Variants in SNX29 observed in about 807,000 individuals in gnomAD.
The protein encoded by SNX29 is sorting nexin 29.
Under a neutral mutation model 102.1 loss-of-function variants are expected in SNX29, and 78 were observed. That is an observed-to-expected ratio of 0.76 (90% CI 0.64 to 0.92). The LOEUF is 0.92. Ranked by LOEUF, SNX29 falls within the 40% of genes least tolerant of loss-of-function variation. The probability of loss-of-function intolerance (pLI) is 0.00; values close to 1 mark genes in which losing one functional copy is unlikely to be tolerated. For synonymous variants in SNX29, 580 were observed against 414.5 expected (o/e 1.40, Z -4.85); for missense variants, 1,280 against 1,061.7 (o/e 1.21, Z -2.86).
chr16:12,294,246 T>C (rs1221714051), intron 15 of SNX29, among the ~76,000 whole-genome samples: 3 of 152,116 alleles, frequency 2.0e-5, no homozygotes, highest in East Asian at 1.9e-4. Context: ...AGTAGGGAGT[T>C]GTATGCATGG....
chr16:12,043,174 G>T (rs190188372), intron 5 of SNX29, 97 bp downstream of exon 5: 410 of 1,467,496 alleles, frequency 2.8e-4, no homozygotes, highest in Admixed American at 4.9e-4. Flanking sequence ...CTAGTTCCCC[G>T]ATCTGGGGGA....
At chr16:12,091,901 G>A (rs1286522908) in intron 11 of SNX29, among the ~76,000 whole-genome samples, 1 of 152,050 alleles carries the variant, frequency 6.6e-6, no homozygotes. Context: ...CGAATCTGTC[G>A]GTGCCTTGAT....
At chr16:12,308,128 T>G (rs2080400010) in intron 15 of SNX29, among the ~76,000 whole-genome samples, 1 of 152,244 alleles carries the variant, frequency 6.6e-6, no homozygotes, top group South Asian at 2.1e-4. Flanking sequence ...CTGAAGGTGA[T>G]GCATGGTCTC....
intron 11 of SNX29, among the ~76,000 whole-genome samples, chr16:12,110,623 C>T (rs574635858): frequency 2.3e-4 from 35 of 152,176 alleles, no homozygotes; most frequent in Admixed American, 7.9e-4. Flanking sequence ...GTGAGACAAA[C>T]GCCCAGGCTT....
intron 18 of SNX29, among the ~76,000 whole-genome samples, chr16:12,405,172 A>C (rs1232947782): frequency 1.3e-5 from 2 of 152,218 alleles, no homozygotes; most frequent in Non-Finnish European, 2.9e-5. Context: ...AGGATGAAAA[A>C]AGTACAGCAG....
intron 5 of SNX29, among the ~76,000 whole-genome samples, chr16:12,043,855 C>A (rs566191943): frequency 6.6e-6 from 1 of 152,102 alleles, no homozygotes; most frequent in Non-Finnish European, 1.5e-5. Context: ...CTAGTTCGAG[C>A]GATTCTCCTG....
At chr16:12,029,486 A>T in intron 4 of SNX29, 2 of 451,772 alleles carry the variant, frequency 4.4e-6, no homozygotes, top group Non-Finnish European at 8.9e-6. Context: ...GCCAGTACAG[A>T]ATACAGTATG....
At chr16:12,480,854 G>T (rs912728432) in intron 19 of SNX29, among the ~76,000 whole-genome samples, 2 of 152,162 alleles carry the variant, frequency 1.3e-5, no homozygotes, top group African/African-American at 4.8e-5. Flanking sequence ...CTGTGCAGGA[G>T]CTGGGAACTG....
At position 12,565,895 on chromosome 16, in the gene SNX29, T is replaced by C. The variant is rs576211711; in HGVS notation, c.2319-2611T>C. On this transcript the variant is annotated intron_variant, in intron 20 of 20. Transcript: ENST00000566228. Reference sequence around the variant, plus strand: ...TCAGAACAACCTGAGTTCCCTCTCATTGGGGCATCCACCGTGATCCACCAC... The same window carrying C: ...TCAGAACAACCTGAGTTCCCTCTCACTGGGGCATCCACCGTGATCCACCAC... Among the ~76,000 whole-genome samples the C allele has an allele frequency of 1.4e-4, 22 of 151,958 alleles. No homozygotes were observed. In the South Asian group the frequency reaches 4.6e-3, roughly 32 times the overall value.
intron 11 of SNX29, among the ~76,000 whole-genome samples, chr16:12,118,473 C>CTA: frequency 6.6e-6 from 1 of 151,770 alleles, no homozygotes; most frequent in Non-Finnish European, 1.5e-5. Flanking sequence ...GTGCCTGCCA[C>CTA]CATGCCCGGC....
intron 14 of SNX29, among the ~76,000 whole-genome samples, chr16:12,268,436 G>C (rs1007958326): frequency 6.6e-6 from 1 of 152,156 alleles, no homozygotes; most frequent in East Asian, 1.9e-4. Context: ...GCAGAGCTCC[G>C]GGGTCTTGTT....
At chr16:12,105,169 C>A (rs975950512) in intron 11 of SNX29, among the ~76,000 whole-genome samples, 7 of 152,174 alleles carry the variant, frequency 4.6e-5, no homozygotes, top group Admixed American at 1.3e-4. Context: ...CCAGACTGTG[C>A]TGAGAGTCTA....
chr16:12,566,188 TC>T (rs557923292), intron 20 of SNX29, among the ~76,000 whole-genome samples: 38 of 152,286 alleles, frequency 2.5e-4, no homozygotes, highest in Admixed American at 1.1e-3. Context: ...AGCCCTTGAA[TC>T]CTTACCACCA....
intron 20 of SNX29, among the ~76,000 whole-genome samples, chr16:12,558,104 C>A (rs117895473): frequency 2.0e-5 from 3 of 152,186 alleles, no homozygotes; most frequent in Admixed American, 6.5e-5. Context: ...GACGGGGCAA[C>A]TGAGAATTAG....
intron 19 of SNX29, among the ~76,000 whole-genome samples, chr16:12,505,900 GC>G (rs1567632115): frequency 1.3e-5 from 2 of 151,728 alleles, no homozygotes; most frequent in African/African-American, 4.8e-5. Flanking sequence ...TTCTATTTAG[GC>G]CTTCTTTATT....
chr16:12,571,138 C>A lies in SNX29; in HGVS notation c.*2509C>A, dbSNP rs891402906. The A allele has an allele frequency of 4.3e-6, 1 of 232,488 alleles. No individual in the cohort carries two copies. Among genetic ancestry groups the A allele is most frequent in the Non-Finnish European group, 8.5e-6 (1 of 117,640 alleles). 14.4% of individuals were successfully genotyped at this position (232,488 alleles called of 1,614,324 possible). ...TAGAATGTTCTGCAATGATTGGGTC[C>A]ATCTTGCTGCTCAGAAGAATCCCGT... On this transcript the variant is annotated 3_prime_UTR_variant, in exon 21 of 21. Transcript: ENST00000566228.
At chr16:12,541,590 C>T (rs970056902) in intron 20 of SNX29, among the ~76,000 whole-genome samples, 2 of 152,182 alleles carry the variant, frequency 1.3e-5, no homozygotes, top group Non-Finnish European at 2.9e-5. Context: ...CAGACCTCAA[C>T]CCTGAGGTCA....
chr16:12,331,999 G>T (rs569389532), intron 15 of SNX29, among the ~76,000 whole-genome samples: 1 of 152,194 alleles, frequency 6.6e-6, no homozygotes, highest in East Asian at 1.9e-4. Context: ...GGTGGAGCCT[G>T]CAGTGAGCCA....
At chr16:12,550,879 C>G (rs1487980428) in intron 20 of SNX29, among the ~76,000 whole-genome samples, 2 of 152,122 alleles carry the variant, frequency 1.3e-5, no homozygotes, top group Non-Finnish European at 2.9e-5. Context: ...TGGGAGGAAA[C>G]CTGTGACGGG....
Sources: allele counts gnomAD v4.1 joint callset (sites outside exome capture counted in the v4.1 genomes callset), GRCh38; gene constraint gnomAD v4.1.1; transcripts MANE v1.5; gene names NCBI Gene and HGNC (gene_info 2026-07-23, HGNC 2026-07-21).